AFG2A: variants seen among roughly 807,000 people sequenced by gnomAD.
AFG2A encodes ATPase family gene 2 protein homolog A.
chr4:123,105,513 C>T, the AFG2A span, among the ~76,000 whole-genome samples: 1 of 152,078 alleles, frequency 6.6e-6, no homozygotes, highest in Non-Finnish European at 1.5e-5. Context: ...AAGGCTATTG[C>T]TGCTGTAATA....
At chr4:123,187,389 G>A in the AFG2A span, among the ~76,000 whole-genome samples, 1 of 152,146 alleles carries the variant, frequency 6.6e-6, no homozygotes, top group Non-Finnish European at 1.5e-5. Flanking sequence ...AAAGTATTAA[G>A]GGCATTGAGT....
chr4:123,091,665 T>G, the AFG2A span, among the ~76,000 whole-genome samples: 12 of 152,234 alleles, frequency 7.9e-5, no homozygotes, highest in Admixed American at 2.0e-4. Flanking sequence ...TTAGTCAGGC[T>G]GTCACATTAA....
the AFG2A span, among the ~76,000 whole-genome samples, chr4:123,200,308 A>T: frequency 6.6e-6 from 1 of 152,238 alleles, no homozygotes; most frequent in Non-Finnish European, 1.5e-5. Context: ...TTCTACTGCA[A>T]TTATTTCATA....
the AFG2A span, among the ~76,000 whole-genome samples, chr4:123,000,299 C>G: frequency 2.6e-5 from 4 of 151,006 alleles, no homozygotes; most frequent in Non-Finnish European, 5.9e-5. Flanking sequence ...CCTTTATTTC[C>G]TTCTCCTGCC....
the AFG2A span, among the ~76,000 whole-genome samples, chr4:122,988,781 G>T: frequency 6.6e-6 from 1 of 152,030 alleles, no homozygotes; most frequent in Non-Finnish European, 1.5e-5. Flanking sequence ...TTAATGTTGC[G>T]TTCTAAGTCC....
At chr4:123,151,584 A>G in the AFG2A span, among the ~76,000 whole-genome samples, 1 of 152,262 alleles carries the variant, frequency 6.6e-6, no homozygotes, top group Non-Finnish European at 1.5e-5. Context: ...ATGAGATACC[A>G]TCTCTCACCA....
chr4:123,234,394 G>A, the AFG2A span, among the ~76,000 whole-genome samples: 14 of 152,132 alleles, frequency 9.2e-5, no homozygotes, highest in African/African-American at 3.1e-4. Flanking sequence ...GAGTGTTACT[G>A]TGAGGATTGC....
At chr4:123,051,599 CT>C in the AFG2A span, among the ~76,000 whole-genome samples, 2 of 135,830 alleles carry the variant, frequency 1.5e-5, no homozygotes, top group Admixed American at 1.5e-4. Flanking sequence ...TCTGATTAGC[CT>C]TTTTTATAGG....
chr4:123,114,176 A>G, the AFG2A span, among the ~76,000 whole-genome samples: 1 of 151,934 alleles, frequency 6.6e-6, no homozygotes, highest in African/African-American at 2.4e-5. Context: ...CAGGGCTTTT[A>G]TGAGCCTCAG....
At chr4:122,979,418 T>A in the AFG2A span, 1 of 1,595,500 alleles carries the variant, frequency 6.3e-7, no homozygotes, top group Non-Finnish European at 8.5e-7. Flanking sequence ...CTAGCTACAC[T>A]GTTTGAATTA....
At chr4:123,288,734 G>T in the AFG2A span, among the ~76,000 whole-genome samples, 1 of 152,092 alleles carries the variant, frequency 6.6e-6, no homozygotes, top group African/African-American at 2.4e-5. Context: ...CTATAGAAGA[G>T]CCTTTGAAGG....
the AFG2A span, chr4:122,947,190 TAAC>T: frequency 1.2e-5 from 18 of 1,481,346 alleles, no homozygotes; most frequent in Admixed American, 1.5e-4. Flanking sequence ...TTTTTTTTTC[TAAC>T]TTTCAGAAAA....
chr4:123,304,472 AG>A, the AFG2A span, among the ~76,000 whole-genome samples: 1 of 152,132 alleles, frequency 6.6e-6, no homozygotes, highest in Non-Finnish European at 1.5e-5. Flanking sequence ...AAGAAAAGCG[AG>A]GGGGCGGGTG....
At chr4:123,240,906 A>AG in the AFG2A span, among the ~76,000 whole-genome samples, 130 of 152,310 alleles carry the variant, frequency 8.5e-4, no homozygotes, top group African/African-American at 3.0e-3. Context: ...AAAGAAGAAA[A>AG]GGGAGAAGAA....
chr4:123,220,193 A>G, the AFG2A span, among the ~76,000 whole-genome samples: 69 of 152,232 alleles, frequency 4.5e-4, no homozygotes, highest in African/African-American at 1.6e-3. Context: ...TATACTATAG[A>G]GTCTGACAAG....
chr4:123,255,817 G>A, the AFG2A span, among the ~76,000 whole-genome samples: 17 of 145,696 alleles, frequency 1.2e-4, no homozygotes, highest in African/African-American at 4.3e-4. Flanking sequence ...ACCGCGCCCA[G>A]CCTTCTATTT....
At chr4:123,089,663 C>T in the AFG2A span, among the ~76,000 whole-genome samples, 3 of 152,104 alleles carry the variant, frequency 2.0e-5, no homozygotes, top group Non-Finnish European at 4.4e-5. Flanking sequence ...CCGCCCACTG[C>T]AACCTCCACC....
At chr4:123,210,984 G>A in the AFG2A span, among the ~76,000 whole-genome samples, 2,103 of 152,170 alleles carry the variant, frequency 0.014, 51 homozygotes, top group African/African-American at 0.047. Context: ...TAGAGGAAAT[G>A]TAGAACAGAA....
At chr4:123,259,127 A>G in the AFG2A span, among the ~76,000 whole-genome samples, 1 of 152,200 alleles carries the variant, frequency 6.6e-6, no homozygotes, top group Non-Finnish European at 1.5e-5. Flanking sequence ...TTGGCCTCCC[A>G]AAGTGCTGGG....
Sources: gnomAD v4.1 joint callset for allele counts (sites outside exome capture counted in the v4.1 genomes callset) on GRCh38, gnomAD v4.1.1 for gene constraint, MANE v1.5 for transcripts, NCBI Gene and HGNC (gene_info 2026-07-23, HGNC 2026-07-21) for gene names.